Variants in PCDHA10 observed in about 807,000 individuals in gnomAD.
PCDHA10 encodes the protein protocadherin alpha 10.
PCDHA10 carries 45 observed loss-of-function variants against 61.2 expected under a neutral mutation model. That is an observed-to-expected ratio of 0.74 (90% CI 0.58 to 0.94). The LOEUF is 0.94. Among genes scored for constraint, PCDHA10 ranks in the 40% least tolerant of loss-of-function variants. The probability of loss-of-function intolerance (pLI) is 0.00; values close to 1 mark genes in which losing one functional copy is unlikely to be tolerated. For synonymous variants in PCDHA10, 602 were observed against 548.8 expected, an observed-to-expected ratio of 1.10 and a Z score of -1.35; for missense variants, 1,278 against 1,236.2, an observed-to-expected ratio of 1.03 and a Z score of -0.51.
At chr5:140,872,598 A>G (rs1211346027) in intron 1 of PCDHA10, among the ~76,000 whole-genome samples, 1 of 152,158 alleles carries the variant, frequency 6.6e-6, no homozygotes, top group African/African-American at 2.4e-5. Context: ...CCCCCATCTG[A>G]AAAAATAATT....
At chr5:140,892,445 T>C (rs1177566356) in intron 1 of PCDHA10, among the ~76,000 whole-genome samples, 1 of 152,214 alleles carries the variant, frequency 6.6e-6, no homozygotes, top group Non-Finnish European at 1.5e-5. Context: ...AAAATTTACA[T>C]GTATTCTTTA....
intron 1 of PCDHA10, chr5:140,870,294 G>A (rs1554164013): frequency 3.1e-6 from 5 of 1,614,192 alleles, no homozygotes; most frequent in Non-Finnish European, 3.4e-6. Flanking sequence ...TCAAGCTGGT[G>A]TCCACCTTCA....
chr5:140,930,668 T>C (rs2087022080), intron 1 of PCDHA10, among the ~76,000 whole-genome samples: 1 of 152,216 alleles, frequency 6.6e-6, no homozygotes, highest in South Asian at 2.1e-4. Flanking sequence ...GTTTTACTAT[T>C]CTAGGCAATA....
chr5:140,871,191 C>T lies in PCDHA10; in HGVS notation c.2388+12755C>T, dbSNP rs370303558. 1.9e-6 allele frequency: 3 copies of T among 1,613,656 alleles called. 1 individual carries two copies. In the South Asian group the frequency reaches 3.3e-5, roughly 18 times the overall value. On this transcript the variant is annotated intron_variant, in intron 1 of 3. Coordinates refer to ENST00000307360, the MANE Select transcript of PCDHA10 (RefSeq NM_018901.4). ...CAGAGGCTGCGCTGGTGGATGTCAA[C>T]GTGTACCTGATCATCGCCATCTGCG...
intron 1 of PCDHA10, chr5:140,871,029 G>A (rs782042665): frequency 1.9e-6 from 3 of 1,613,228 alleles, no homozygotes; most frequent in Non-Finnish European, 2.5e-6. Flanking sequence ...CAGACTCGCC[G>A]CGCCACCGAC....
At chr5:140,966,569 G>A in intron 1 of PCDHA10, 1 of 500,346 alleles carries the variant, frequency 2.0e-6, no homozygotes, top group Non-Finnish European at 3.3e-6. Flanking sequence ...TGGAATATGG[G>A]GAGTCAGCGA....
At chr5:140,874,757 C>T (rs984706003) in intron 1 of PCDHA10, among the ~76,000 whole-genome samples, 6 of 152,190 alleles carry the variant, frequency 3.9e-5, no homozygotes, top group Non-Finnish European at 8.8e-5. Context: ...CAAACAATAA[C>T]GCTCTCCATA....
chr5:141,008,654 C>T (rs1554261865), intron 3 of PCDHA10, among the ~76,000 whole-genome samples: 1 of 152,124 alleles, frequency 6.6e-6, no homozygotes, highest in Non-Finnish European at 1.5e-5. Context: ...TTCTGGAGTC[C>T]CACAATACTT....
In PCDHA10 at chr5:140,858,045, T is replaced by A. The variant is rs2150410176; in HGVS notation, c.1997T>A (p.Val666Glu). The A allele has an allele frequency of 1.3e-6, 2 of 1,597,338 alleles. No individual in the cohort carries two copies. The highest frequency in any genetic ancestry group is 1.7e-6 in the Non-Finnish European group (2 of 1,167,362). Residue 666 changes from valine (V) to glutamate (E), a missense_variant, in exon 1 of 4, where the codon GTG becomes GAG. Coordinates refer to ENST00000307360, the MANE Select transcript of PCDHA10 (RefSeq NM_018901.4). ...PSLTATATVL[V>E]SLVEGSQAPK... The stretch of plus-strand genomic sequence containing the variant: ...CTGACGGCCACGGCCACTGTGCTTG[T>A]GTCGCTTGTGGAGGGCAGCCAGGCA...
chr5:140,969,058 T>C, intron 1 of PCDHA10: 1 of 1,614,166 alleles, frequency 6.2e-7, no homozygotes. Flanking sequence ...ACAACAATAT[T>C]GATGCCAGGA....
chr5:140,879,101 A>G (rs2153365508), intron 1 of PCDHA10, among the ~76,000 whole-genome samples: 1 of 152,330 alleles, frequency 6.6e-6, no homozygotes, highest in East Asian at 1.9e-4. Context: ...TGCACAGTAT[A>G]TGGTGTAATT....
intron 1 of PCDHA10, 146 bp from the exon 2 acceptor site, chr5:140,978,803 C>A: frequency 2.0e-6 from 3 of 1,485,240 alleles, no homozygotes; most frequent in Middle Eastern, 1.8e-4. Context: ...ATGTAGATAT[C>A]ATCATAGAGT....
chr5:140,961,155 G>C (rs1214072320), intron 1 of PCDHA10, among the ~76,000 whole-genome samples: 3 of 152,126 alleles, frequency 2.0e-5, no homozygotes, highest in Non-Finnish European at 4.4e-5. Context: ...TATTATTTCA[G>C]TACATATCTA....
intron 3 of PCDHA10, among the ~76,000 whole-genome samples, chr5:140,985,179 C>T (rs1056430017): frequency 5.9e-5 from 9 of 152,132 alleles, no homozygotes; most frequent in African/African-American, 1.9e-4. Flanking sequence ...CCTCGTAATC[C>T]GCCTGCCTCG....
rs934481202 is a variant in PCDHA10, at chr5:140,902,279, C to A, written c.2388+43843C>A. On this transcript the variant is annotated intron_variant, in intron 1 of 3. Coordinates refer to ENST00000307360, the MANE Select transcript of PCDHA10 (RefSeq NM_018901.4). ...TCTCGAACTCCTGGGCTCAAGCAATCCTCCTGCCTCAGCCTCCCAAAGTGC... is the reference window on the plus strand; with the variant it reads ...TCTCGAACTCCTGGGCTCAAGCAATACTCCTGCCTCAGCCTCCCAAAGTGC... Among the ~76,000 whole-genome samples the A allele has an allele frequency of 2.7e-5, 4 of 148,452 alleles. No individual in the cohort carries two copies. The Admixed American group carries it at 2.7e-4, about 10-fold the overall frequency.
At chr5:140,861,033 G>A (rs1443263351) in intron 1 of PCDHA10, 1 of 152,266 alleles carries the variant, frequency 6.6e-6, no homozygotes, top group Non-Finnish European at 1.5e-5. Flanking sequence ...CCGGCCGAAA[G>A]GTATTTTTTT....
chr5:140,933,695 G>A lies in PCDHA10; in HGVS notation c.2389-45254G>A, dbSNP rs575994908. On this transcript the variant is annotated intron_variant, in intron 1 of 3. Coordinates refer to ENST00000307360, the MANE Select transcript of PCDHA10 (RefSeq NM_018901.4). ...TCTCACATTTTTTTTCCTATTCCTCGGACACATTTACTGAGATTGGTGATA... is the reference window on the plus strand; with the variant it reads ...TCTCACATTTTTTTTCCTATTCCTCAGACACATTTACTGAGATTGGTGATA... Among the ~76,000 whole-genome samples the A allele has an allele frequency of 1.8e-4, 27 of 151,494 alleles. 1 individual carries two copies. The South Asian group carries it at 3.7e-3, about 21-fold the overall frequency.
In PCDHA10 at chr5:140,858,035, ACTGTG is replaced by A. The variant is rs564025916; in HGVS notation, c.1990_1994del (p.Val664CysfsTer76). On this transcript the variant is annotated frameshift_variant, in exon 1 of 4. Transcript: ENST00000307360. LOFTEE classifies it high-confidence loss of function. Reference sequence around the variant, plus strand: ...CGAGCCGTCGCTGACGGCCACGGCCACTGTGCTTGTGTCGCTTGTGGAGGGCAGCC... The same window carrying A: ...CGAGCCGTCGCTGACGGCCACGGCCACTTGTGTCGCTTGTGGAGGGCAGCC... The A allele has an allele frequency of 2.7e-4, 428 of 1,597,220 alleles. 17 individuals are homozygous for A. The African/African-American group carries it at 5.1e-3, about 19-fold the overall frequency.
intron 1 of PCDHA10, among the ~76,000 whole-genome samples, chr5:140,976,889 T>A (rs2096736169): frequency 6.6e-6 from 1 of 152,218 alleles, no homozygotes; most frequent in Admixed American, 6.5e-5. Context: ...TTAGGATACA[T>A]GCAACAGTAT....
Sources: gnomAD v4.1 joint callset for allele counts (sites outside exome capture counted in the v4.1 genomes callset) on GRCh38, gnomAD v4.1.1 for gene constraint, MANE v1.5 for transcripts, NCBI Gene and HGNC (gene_info 2026-07-23, HGNC 2026-07-21) for gene names.